DERA: variants seen among roughly 807,000 people sequenced by gnomAD.
The protein encoded by DERA is 2-deoxy-D-ribose 5-phosphate aldolase.
Under a neutral mutation model 41.1 loss-of-function variants are expected in DERA, and 15 were observed. The ratio of observed to expected loss-of-function variants is 0.37; its 90% CI spans 0.24 to 0.56. The LOEUF (loss-of-function observed/expected upper bound fraction) is 0.56, where lower values mean the gene tolerates loss of function less well. DERA is among the 20% of genes least tolerant of loss of function. The pLI is 0.81. For missense variants in DERA, 396 were observed against 403.4 expected (o/e 0.98, Z 0.16); for synonymous variants, 139 against 137.4 (o/e 1.01, Z -0.08).
chr12:15,953,230 C>A (rs940733659), intron 1 of DERA, among the ~76,000 whole-genome samples: 1 of 152,120 alleles, frequency 6.6e-6, no homozygotes, highest in Non-Finnish European at 1.5e-5. Context: ...ACTTTTTATC[C>A]AGCCAGTGTG....
chr12:15,927,630 T>TTTG (rs1476810666), intron 1 of DERA, among the ~76,000 whole-genome samples: 2 of 152,192 alleles, frequency 1.3e-5, no homozygotes, highest in African/African-American at 4.8e-5. Context: ...GTATGAAAAG[T>TTTG]AATCAACTTG....
chr12:16,036,827 T>A lies in DERA; in HGVS notation c.*81T>A. On this transcript the variant is annotated 3_prime_UTR_variant, in exon 9 of 9. Coordinates refer to ENST00000428559, the MANE Select transcript of DERA (RefSeq NM_015954.4). The surrounding 1 kb of genome is among the most constrained non-coding windows in gnomAD (Gnocchi z 4.9). ...TACGTAATTGCTAAAATTATTTAAT[T>A]AAAAAATTGGGCAGTAGGTAACTGG... 8.9e-7 allele frequency: 1 copy of A among 1,119,108 alleles called. No individual in the cohort carries two copies. The highest frequency in any genetic ancestry group is 1.3e-6 in the Non-Finnish European group (1 of 771,382). 69.3% of individuals were successfully genotyped at this position (1,119,108 alleles called of 1,614,324 possible). A position where few individuals can be genotyped will look rare whatever the true frequency, so the allele number is the denominator to read the frequency against.
At chr12:15,956,549 T>C (rs900357596) in intron 1 of DERA, 1 of 353,838 alleles carries the variant, frequency 2.8e-6, no homozygotes, top group South Asian at 2.2e-5. Flanking sequence ...AATCATTTGC[T>C]CTCCTGGGCT....
Position 16,031,426 on chromosome 12 carries a change from G to A in DERA, c.638-1116G>A, listed in dbSNP as rs569784448. ...ATCTCAGAGACTTGTTTTAGGTATG[G>A]TGCCACAGATTCCATAGGTTAGGGC... On this transcript the variant is annotated intron_variant, in intron 6 of 8. Coordinates refer to ENST00000428559, the MANE Select transcript of DERA (RefSeq NM_015954.4). 2.0e-5 allele frequency among the ~76,000 whole-genome samples: 3 copies of A among 152,276 alleles called. No individual in the cohort carries two copies. The South Asian group carries it at 6.2e-4, about 32-fold the overall frequency.
Position 15,918,029 on chromosome 12 carries a change from C to T in DERA, c.31+6615C>T, listed in dbSNP as rs1055121273. 6.6e-6 allele frequency among the ~76,000 whole-genome samples: 1 copy of T among 152,180 alleles called. No individual in the cohort carries two copies. Among genetic ancestry groups the T allele is most frequent in the Non-Finnish European group, 1.5e-5 (1 of 68,032 alleles). ...CTACATAGTGAAAACCATGAGTTCA[C>T]ACTAATACCACCAGTTCTGGTCCAA... On this transcript the variant is annotated intron_variant, in intron 1 of 8. Coordinates refer to ENST00000428559, the MANE Select transcript of DERA (RefSeq NM_015954.4). The surrounding 1 kb of genome is among the most constrained non-coding windows in gnomAD (Gnocchi z 4.3).
At position 15,915,164 on chromosome 12, in the gene DERA, A is replaced by G. The variant is rs926800923; in HGVS notation, c.31+3750A>G. On this transcript the variant is annotated intron_variant, in intron 1 of 8. Transcript: ENST00000428559. The surrounding 1 kb of genome is among the most constrained non-coding windows in gnomAD (Gnocchi z 4.8). Reference sequence around the variant, plus strand: ...GACCTGGACATCAAGCTAGAGCTACAATTAAATGCAAGTGTGATGTGCAAT... The same window carrying G: ...GACCTGGACATCAAGCTAGAGCTACGATTAAATGCAAGTGTGATGTGCAAT... Among the ~76,000 whole-genome samples the G allele has an allele frequency of 6.6e-6, 1 of 152,208 alleles. No individual in the cohort carries two copies. The highest frequency in any genetic ancestry group is 2.4e-5 in the African/African-American group (1 of 41,452).
intron 3 of DERA, 23 bp downstream of exon 3, chr12:15,958,358 A>G (rs1370050278): frequency 3.4e-5 from 53 of 1,580,440 alleles, no homozygotes; most frequent in Non-Finnish European, 4.3e-5. Context: ...TGTGTGATCT[A>G]TGTGGTGTTT....
chr12:16,036,742 CTT>C lies in DERA; in HGVS notation c.954_955del (p.Ter319AsnfsTer21). On this transcript the variant is annotated frameshift_variant and stop_lost, in exon 9 of 9. Coordinates refer to ENST00000428559, the MANE Select transcript of DERA (RefSeq NM_015954.4). LOFTEE classifies it high-confidence loss of function. The surrounding 1 kb of genome is among the most constrained non-coding windows in gnomAD (Gnocchi z 4.9). ...GCAGCTTATCATGATCTTCCAATGTCTTAAATCAGTCACCAGTTCCAGAAAAG... is the reference window on the plus strand; with the variant it reads ...GCAGCTTATCATGATCTTCCAATGTCAAATCAGTCACCAGTTCCAGAAAAG... 2 of 1,590,594 alleles carry C rather than the reference CTT, an allele frequency of 1.3e-6. No homozygotes were observed. Among genetic ancestry groups the C allele is most frequent in the South Asian group, 2.3e-5 (2 of 86,468 alleles).
At chr12:16,033,581 T>TTGTGTGTGTGTGTG (rs146182174) in intron 7 of DERA, among the ~76,000 whole-genome samples, 84 of 127,710 alleles carry the variant, frequency 6.6e-4, no homozygotes, top group Middle Eastern at 3.9e-3. Flanking sequence ...GAGAGCAAGG[T>TTGTGTGTGTGTGTG]TGTGTGTGTG....
At chr12:15,914,831 G>A (rs567848172) in intron 1 of DERA, among the ~76,000 whole-genome samples, 25 of 152,114 alleles carry the variant, frequency 1.6e-4, no homozygotes, top group South Asian at 8.3e-4. Context: ...GCTGGAGTGC[G>A]GTGGTGTGAT....
rs1020449540 is a variant in DERA, at chr12:16,019,038, G to A, written c.638-13504G>A. ...TAAGCTTGGCTAATGTTAGATTTAT[G>A]TGAGCTCTGAAGAGAGTCTGTAGTG... On this transcript the variant is annotated intron_variant, in intron 6 of 8. Transcript: ENST00000428559. The surrounding 1 kb of genome is among the most constrained non-coding windows in gnomAD (Gnocchi z 4.4). Among the ~76,000 whole-genome samples the A allele has an allele frequency of 2.0e-5, 3 of 152,126 alleles. No homozygotes were observed. The highest frequency in any genetic ancestry group is 4.4e-5 in the Non-Finnish European group (3 of 68,012).
At chr12:16,034,757 TAAAA>T (rs34073112) in intron 7 of DERA, among the ~76,000 whole-genome samples, 1 of 147,066 alleles carries the variant, frequency 6.8e-6, no homozygotes, top group South Asian at 2.1e-4. Context: ...ATATTCTCTT[TAAAA>T]AAAAAAAAGA....
At position 15,966,007 on chromosome 12, in the gene DERA, A is replaced by G. The variant is rs1948620040; in HGVS notation, c.508+3060A>G. On this transcript the variant is annotated intron_variant, in intron 5 of 8. Coordinates refer to ENST00000428559, the MANE Select transcript of DERA (RefSeq NM_015954.4). This position sits in a 1 kb window ranked among gnomAD's most constrained non-coding sequence, Gnocchi z 5.1. ...ATACTCAAGCTTTTCTTAGCCATTT[A>G]TGAAAGAACCTACATGCTGGCTTTC... is the stretch of plus-strand genomic sequence containing the variant. 6.6e-6 allele frequency among the ~76,000 whole-genome samples: 1 copy of G among 152,158 alleles called. No individual in the cohort carries two copies. The highest frequency in any genetic ancestry group is 1.5e-5 in the Non-Finnish European group (1 of 68,026).
At chr12:16,002,847 T>C (rs1420449670) in intron 6 of DERA, among the ~76,000 whole-genome samples, 1 of 152,204 alleles carries the variant, frequency 6.6e-6, no homozygotes, top group African/African-American at 2.4e-5. Context: ...TCCTTCCTCA[T>C]GTCATGTCAT....
chr12:15,923,265 G>A (rs1033312925), intron 1 of DERA, among the ~76,000 whole-genome samples: 15 of 151,568 alleles, frequency 9.9e-5, no homozygotes, highest in African/African-American at 3.6e-4. Flanking sequence ...CTCGTGATCC[G>A]CCCGCCTCGG....
At position 15,988,344 on chromosome 12, in the gene DERA, G is replaced by A. The variant is rs1380187515; in HGVS notation, c.637+5908G>A. On this transcript the variant is annotated intron_variant, in intron 6 of 8. Transcript: ENST00000428559. The surrounding 1 kb of genome is among the most constrained non-coding windows in gnomAD (Gnocchi z 6.0). ...AAGTACTTGGACAACTGGAGGGTGA[G>A]CAAGGCACAGAGGAGCTTCATTAAG... Among the ~76,000 whole-genome samples the A allele has an allele frequency of 1.3e-5, 2 of 152,162 alleles. No homozygotes were observed. The highest frequency in any genetic ancestry group is 4.8e-5 in the African/African-American group (2 of 41,448).
At chr12:15,945,641 T>C (rs1948441709) in intron 1 of DERA, among the ~76,000 whole-genome samples, 1 of 152,090 alleles carries the variant, frequency 6.6e-6, no homozygotes, top group African/African-American at 2.4e-5. Context: ...GACGATGGGG[T>C]TTTCTAGATA....
intron 1 of DERA, among the ~76,000 whole-genome samples, chr12:15,944,711 T>G (rs1301696751): frequency 6.6e-6 from 1 of 152,234 alleles, no homozygotes; most frequent in Admixed American, 6.5e-5. Context: ...TTTCTTTTGC[T>G]GTGCAGAAGC....
rs567428005 is a variant in DERA, at chr12:15,983,022, C to G, written c.637+586C>G. On this transcript the variant is annotated intron_variant, in intron 6 of 8. Coordinates refer to ENST00000428559, the MANE Select transcript of DERA (RefSeq NM_015954.4). The surrounding 1 kb of genome is among the most constrained non-coding windows in gnomAD (Gnocchi z 6.2). ...CACCTCACATAAATCAGTGAAGAAGCCTTGAGAGTTCTCTCTAGACCTCTT... is the reference window on the plus strand; with the variant it reads ...CACCTCACATAAATCAGTGAAGAAGGCTTGAGAGTTCTCTCTAGACCTCTT... 6.6e-6 allele frequency among the ~76,000 whole-genome samples: 1 copy of G among 152,126 alleles called. No homozygotes were observed. Among genetic ancestry groups the G allele is most frequent in the Non-Finnish European group, 1.5e-5 (1 of 68,020 alleles).
Sources: gnomAD v4.1 joint callset for allele counts (sites outside exome capture counted in the v4.1 genomes callset) on GRCh38, gnomAD v4.1.1 for gene constraint, Gnocchi (gnomAD v3.1) non-coding constraint, MANE v1.5 for transcripts, NCBI Gene and HGNC (gene_info 2026-07-23, HGNC 2026-07-21) for gene names.